CDH10: variants seen among roughly 807,000 people sequenced by gnomAD.
The protein encoded by CDH10 is cadherin 10, also known as cadherin-10.
In CDH10, 30 loss-of-function variants were observed where a neutral mutation model predicts 73.1. That is an observed-to-expected ratio of 0.41 (90% CI 0.31 to 0.56). The LOEUF (loss-of-function observed/expected upper bound fraction) is 0.56. CDH10 is among the 20% of genes least tolerant of loss of function. The probability of loss-of-function intolerance (pLI) is 0.27; values close to 1 mark genes in which losing one functional copy is unlikely to be tolerated. For missense variants in CDH10, 815 were observed against 973.7 expected (o/e 0.84, Z 2.17); for synonymous variants, 345 against 348.2 (o/e 0.99, Z 0.10).
chr5:24,495,110 T>C (rs1714280033), intron 9 of CDH10, among the ~76,000 whole-genome samples: 1 of 152,166 alleles, frequency 6.6e-6, no homozygotes, highest in South Asian at 2.1e-4. Context: ...GTAACAGATA[T>C]CAGAACTTGG....
At chr5:24,635,873 TA>T (rs1747850719) in intron 1 of CDH10, among the ~76,000 whole-genome samples, 1 of 151,926 alleles carries the variant, frequency 6.6e-6, no homozygotes, top group Non-Finnish European at 1.5e-5. Flanking sequence ...TTTCCAAAAA[TA>T]AAATTCAGAA....
chr5:24,493,921 A>G (rs1011104468), intron 9 of CDH10, among the ~76,000 whole-genome samples: 14 of 151,944 alleles, frequency 9.2e-5, no homozygotes, highest in African/African-American at 3.4e-4. Flanking sequence ...GTCAAAAATC[A>G]CAAGAAATAA....
intron 2 of CDH10, among the ~76,000 whole-genome samples, chr5:24,557,213 C>G (rs1263193037): frequency 6.6e-6 from 1 of 151,304 alleles, no homozygotes; most frequent in African/African-American, 2.4e-5. Context: ...TAATTACTTA[C>G]TATAATTTAG....
intron 5 of CDH10, among the ~76,000 whole-genome samples, chr5:24,526,660 T>A (rs1743545301): frequency 6.6e-6 from 1 of 151,914 alleles, no homozygotes; most frequent in African/African-American, 2.4e-5. Flanking sequence ...GTCTTAAATG[T>A]ATCTCAAATT....
chr5:24,566,308 A>G (rs11750749), intron 2 of CDH10, among the ~76,000 whole-genome samples: 54,398 of 152,058 alleles, frequency 0.36, 11,968 homozygotes, highest in Non-Finnish European at 0.49. Flanking sequence ...TTGGCCTCCC[A>G]AAGTGCTGGG....
chr5:24,537,539 C>G lies in CDH10; in HGVS notation c.367G>C (p.Ala123Pro), dbSNP rs1250533668. The G allele has an allele frequency of 6.2e-7, 1 of 1,613,298 alleles. No individual in the cohort carries two copies. Among genetic ancestry groups the G allele is most frequent in the Non-Finnish European group, 8.5e-7 (1 of 1,179,500 alleles). ...ATRRIDREEK[A>P]FYTLRAQAIN... Reference sequence around the variant, plus strand: ...GCTTGTGCGCGTAGAGTATAAAAGGCCTTTTCCTCCCTATCAATTCGCCTT... The same window carrying G: ...GCTTGTGCGCGTAGAGTATAAAAGGGCTTTTCCTCCCTATCAATTCGCCTT... The change falls in exon 3 of 12, where the codon GCC becomes CCC. Residue 123 changes from alanine to proline, a missense_variant. Ala to Pro is a conservative substitution (Grantham distance 27). Transcript: ENST00000264463.
intron 2 of CDH10, among the ~76,000 whole-genome samples, chr5:24,586,989 C>A (rs940180360): frequency 6.6e-6 from 1 of 151,342 alleles, no homozygotes; most frequent in East Asian, 2.0e-4. Flanking sequence ...GGACTACAGG[C>A]GCCCGCCACC....
intron 8 of CDH10, among the ~76,000 whole-genome samples, chr5:24,503,113 T>C (rs971219643): frequency 1.3e-5 from 2 of 152,200 alleles, no homozygotes; most frequent in African/African-American, 4.8e-5. Context: ...TCATTGCTGA[T>C]GATCTGTCTA....
At chr5:24,643,961 C>T (rs535404058) in intron 1 of CDH10, among the ~76,000 whole-genome samples, 2 of 152,218 alleles carry the variant, frequency 1.3e-5, no homozygotes, top group South Asian at 2.1e-4. Flanking sequence ...CTCTCTTTAC[C>T]TCTCTCCCCC....
In CDH10 at chr5:24,606,543, G is replaced by A. The variant is rs145197824; in HGVS notation, c.-123-12930C>T. Among the ~76,000 whole-genome samples the A allele has an allele frequency of 9.9e-3, 1,499 of 151,088 alleles. 24 individuals carry two copies. Among genetic ancestry groups the A allele is most frequent in the African/African-American group, 0.034 (1,414 of 41,140 alleles). On this transcript the variant is annotated intron_variant, in intron 1 of 11. Coordinates refer to ENST00000264463, the MANE Select transcript of CDH10 (RefSeq NM_006727.5). Reference sequence around the variant, plus strand: ...GGAGAATCGCTTCAACCTGGGAGGTGGAGGTTGCAGTGAGCCGAGATCACA... The same window carrying A: ...GGAGAATCGCTTCAACCTGGGAGGTAGAGGTTGCAGTGAGCCGAGATCACA...
At position 24,488,155 on chromosome 5, in the gene CDH10, T is replaced by G. The variant is rs758365581; in HGVS notation, c.1877-2A>C. On this transcript the variant is annotated splice_acceptor_variant, in intron 11 of 11. Coordinates refer to ENST00000264463, the MANE Select transcript of CDH10 (RefSeq NM_006727.5). LOFTEE classifies it high-confidence loss of function. Reference sequence around the variant, plus strand: ...GAGCTGCAAACAGTACTACTATAACTTGAAAAAAGACAAGAAGATACATTA... The same window carrying G: ...GAGCTGCAAACAGTACTACTATAACGTGAAAAAAGACAAGAAGATACATTA... 6.3e-7 allele frequency: 1 copy of G among 1,591,618 alleles called. No individual in the cohort carries two copies. Among genetic ancestry groups the G allele is most frequent in the South Asian group, 1.1e-5 (1 of 87,576 alleles).
In CDH10 at chr5:24,537,489, T is replaced by C. The variant is rs375133630; in HGVS notation, c.417A>G (p.Pro139=). ...AQAINRRTLR[P]VEPESEFVIK... is the part of the protein sequence containing the mutation. ...TCACAAACTCTGACTCTGGCTCTAC[T>C]GGCCTCAGAGTTCTTCTGTTAATAG... The change falls in exon 3 of 12, where the codon CCA becomes CCG. Residue 139 remains proline (P), a synonymous_variant. Transcript: ENST00000264463. The C allele has an allele frequency of 6.2e-7, 1 of 1,612,846 alleles. No individual in the cohort carries two copies. Among genetic ancestry groups the C allele is most frequent in the Non-Finnish European group, 8.5e-7 (1 of 1,179,124 alleles).
intron 2 of CDH10, among the ~76,000 whole-genome samples, chr5:24,559,812 T>C (rs1210196423): frequency 1.3e-5 from 2 of 152,122 alleles, no homozygotes; most frequent in Non-Finnish European, 2.9e-5. Context: ...GTGAACATTT[T>C]CATTTGGAAT....
chr5:24,615,284 T>G (rs1245510788), intron 1 of CDH10, among the ~76,000 whole-genome samples: 1 of 152,234 alleles, frequency 6.6e-6, no homozygotes, highest in Non-Finnish European at 1.5e-5. Flanking sequence ...TTTCAAATAT[T>G]TTATATTTCT....
At chr5:24,532,717 G>A (rs1342693796) in intron 5 of CDH10, among the ~76,000 whole-genome samples, 3 of 152,030 alleles carry the variant, frequency 2.0e-5, no homozygotes, top group Non-Finnish European at 4.4e-5. Context: ...TTGGGTTAAA[G>A]AAAAACATAT....
At chr5:24,533,220 A>T (rs1743811894) in intron 5 of CDH10, among the ~76,000 whole-genome samples, 1 of 151,900 alleles carries the variant, frequency 6.6e-6, no homozygotes, top group South Asian at 2.1e-4. Flanking sequence ...CTAGCTACTC[A>T]TGAGGCTGAG....
intron 2 of CDH10, among the ~76,000 whole-genome samples, chr5:24,562,778 A>G (rs1745005820): frequency 6.6e-6 from 1 of 152,114 alleles, no homozygotes; most frequent in South Asian, 2.1e-4. Context: ...TAGAAATACA[A>G]TCACAGGTGT....
intron 1 of CDH10, among the ~76,000 whole-genome samples, chr5:24,606,982 C>A (rs1478769352): frequency 6.6e-6 from 1 of 152,130 alleles, no homozygotes; most frequent in Non-Finnish European, 1.5e-5. Flanking sequence ...GTTGTCAAAA[C>A]AACAGACTAA....
At chr5:24,530,878 A>C (rs1382449335) in intron 5 of CDH10, among the ~76,000 whole-genome samples, 1 of 152,126 alleles carries the variant, frequency 6.6e-6, no homozygotes, top group Non-Finnish European at 1.5e-5. Flanking sequence ...ATATACTTTA[A>C]AAACCATGAG....
Sources: gnomAD v4.1 joint callset for allele counts (sites outside exome capture counted in the v4.1 genomes callset) on GRCh38, gnomAD v4.1.1 for gene constraint, MANE v1.5 for transcripts, NCBI Gene and HGNC (gene_info 2026-07-23, HGNC 2026-07-21) for gene names.